LDHC: variants seen among roughly 807,000 people sequenced by gnomAD.
LDHC encodes the protein L-lactate dehydrogenase C chain.
In LDHC, 20 loss-of-function variants were observed where a neutral mutation model predicts 30.2. That is an observed-to-expected ratio of 0.66 (90% CI 0.47 to 0.96). The LOEUF is 0.96. Ranked by LOEUF, LDHC falls within the 40% of genes least tolerant of loss-of-function variation. LDHC has a pLI of 0.00. For synonymous variants in LDHC, 139 were observed against 132.7 expected, an observed-to-expected ratio of 1.05 and a Z score of -0.32; for missense variants, 362 against 394.9, an observed-to-expected ratio of 0.92 and a Z score of 0.71.
chr11:18,439,660 A>G (rs972762235), intron 6 of LDHC, among the ~76,000 whole-genome samples: 1 of 151,072 alleles, frequency 6.6e-6, no homozygotes, highest in African/African-American at 2.4e-5. Context: ...TACTGTATGT[A>G]TACTTAAAAC....
intron 2 of LDHC, among the ~76,000 whole-genome samples, chr11:18,414,769 A>G (rs1196398980): frequency 7.9e-5 from 12 of 152,204 alleles, no homozygotes; most frequent in Admixed American, 7.9e-4. Flanking sequence ...CGGAGGTTGC[A>G]GTGCCCGAGA....
chr11:18,414,381 T>C (rs2134043671), intron 2 of LDHC, among the ~76,000 whole-genome samples: 1 of 152,238 alleles, frequency 6.6e-6, no homozygotes. Flanking sequence ...TGGGTTCCCA[T>C]GGAAAAGAGA....
At chr11:18,432,195 A>T (rs60376560) in intron 4 of LDHC, among the ~76,000 whole-genome samples, 20,633 of 152,090 alleles carry the variant, frequency 0.14, 1,487 homozygotes, top group Middle Eastern at 0.2. Context: ...AGAATTTTTA[A>T]TTTCTATCTT....
At position 18,451,175 on chromosome 11, in the gene LDHC, G is replaced by A. The variant is rs763456464; in HGVS notation, c.*48G>A. 1 of 1,193,730 alleles carries A rather than the reference G, an allele frequency of 8.4e-7. No individual in the cohort carries two copies. The highest frequency in any genetic ancestry group is 1.1e-6 in the Non-Finnish European group (1 of 884,830). The allele number at this position is 1,193,730 out of a possible 1,614,324, so 73.9% of individuals were successfully genotyped here. On this transcript the variant is annotated 3_prime_UTR_variant, in exon 8 of 8. Coordinates refer to ENST00000541669, the MANE Select transcript of LDHC (RefSeq NM_017448.5). The stretch of plus-strand genomic sequence containing the variant: ...CTGTTTGGAGAACAGAAGATAGCAG[G>A]CTGTGTATTTTAAATTTTGAAAGTA...
chr11:18,439,563 C>CAAAAA (rs34511927), intron 6 of LDHC, among the ~76,000 whole-genome samples: 5 of 59,330 alleles, frequency 8.4e-5, no homozygotes, highest in Admixed American at 2.3e-4. Flanking sequence ...AACTCCATCT[C>CAAAAA]AAAAAAAAAA....
At chr11:18,435,790 A>T (rs1848345886) in intron 5 of LDHC, among the ~76,000 whole-genome samples, 1 of 152,202 alleles carries the variant, frequency 6.6e-6, no homozygotes, top group African/African-American at 2.4e-5. Flanking sequence ...CCAGGCAACC[A>T]CTAATCTACT....
At chr11:18,438,782 A>T in intron 6 of LDHC, 137 bp downstream of exon 6, 1 of 498,708 alleles carries the variant, frequency 2.0e-6, no homozygotes, top group Non-Finnish European at 3.6e-6. Context: ...CTAAATTCAG[A>T]CTTATACATA....
chr11:18,420,671 G>C (rs1446135924), intron 3 of LDHC, among the ~76,000 whole-genome samples: 1 of 139,800 alleles, frequency 7.2e-6, no homozygotes, highest in African/African-American at 2.7e-5. Context: ...AAAAAGGAGA[G>C]TGAATGAAGG....
intron 6 of LDHC, among the ~76,000 whole-genome samples, chr11:18,443,463 T>TC (rs200012154): frequency 0.13 from 18,231 of 145,052 alleles, 1,119 homozygotes; most frequent in Middle Eastern, 0.2. Context: ...TTTCTTTCTT[T>TC]TTTTTTTTTT....
chr11:18,439,344 C>T (rs538607104), intron 6 of LDHC, among the ~76,000 whole-genome samples: 18 of 152,084 alleles, frequency 1.2e-4, no homozygotes, highest in African/African-American at 4.3e-4. Context: ...GGGTGGATCA[C>T]CTGAGGTCAG....
intron 6 of LDHC, among the ~76,000 whole-genome samples, chr11:18,443,829 C>A (rs976025640): frequency 3.3e-5 from 5 of 152,142 alleles, no homozygotes; most frequent in African/African-American, 1.2e-4. Flanking sequence ...CATTGAAGTC[C>A]TGTGTGATTT....
intron 6 of LDHC, among the ~76,000 whole-genome samples, chr11:18,440,028 G>T (rs991024675): frequency 1.3e-5 from 2 of 150,306 alleles, no homozygotes; most frequent in Admixed American, 6.7e-5. Flanking sequence ...TAGGCTGGGC[G>T]CAGTGGCTTA....
At chr11:18,417,762 T>C (rs1590223346) in intron 3 of LDHC, among the ~76,000 whole-genome samples, 1 of 152,310 alleles carries the variant, frequency 6.6e-6, no homozygotes, top group African/African-American at 2.4e-5. Flanking sequence ...ATAGAAACAA[T>C]TATTTTTAAT....
intron 2 of LDHC, among the ~76,000 whole-genome samples, chr11:18,413,703 C>T (rs1323057978): frequency 6.6e-6 from 1 of 152,016 alleles, no homozygotes; most frequent in Non-Finnish European, 1.5e-5. Context: ...CCTCGTGATC[C>T]GCCTGCCTCA....
rs118155234 is a variant in LDHC, at chr11:18,431,008, A to G, written c.418+1098A>G. ...GGGAGACCTTGTCTGTACATAAAAT[A>G]AAGTAAAAAAGCTGGGTATGAAGAT... is the stretch of plus-strand genomic sequence containing the variant. On this transcript the variant is annotated intron_variant, in intron 4 of 7. Coordinates refer to ENST00000541669, the MANE Select transcript of LDHC (RefSeq NM_017448.5). Among the ~76,000 whole-genome samples the G allele has an allele frequency of 7.4e-4, 112 of 152,092 alleles. 1 individual carries two copies. In the East Asian group the frequency reaches 0.018, roughly 25 times the overall value.
chr11:18,438,643 A>G lies in LDHC; in HGVS notation c.708A>G (p.Gln236=). The G allele has an allele frequency of 6.7e-7, 1 of 1,491,976 alleles. No individual in the cohort carries two copies. Among genetic ancestry groups the G allele is most frequent in the Non-Finnish European group, 9.4e-7 (1 of 1,069,074 alleles). The allele number at this position is 1,491,976 out of a possible 1,614,324, so 92.4% of individuals were successfully genotyped here. A position where few individuals can be genotyped will look rare whatever the true frequency, so the allele number is the denominator to read the frequency against. Residue 236 remains glutamine, a splice_region_variant and synonymous_variant, in exon 6 of 8, where the codon CAA becomes CAG. Coordinates refer to ENST00000541669, the MANE Select transcript of LDHC (RefSeq NM_017448.5). ...HWKNIHKQVI[Q]SAYEIIKLKG... is the part of the protein sequence containing the mutation. ...AAAATATCCATAAACAAGTTATTCA[A>G]AGGTAATAGTACCTATTCAGTTTCT...
intron 3 of LDHC, among the ~76,000 whole-genome samples, chr11:18,417,363 A>T (rs1168751212): frequency 3.9e-5 from 6 of 152,202 alleles, no homozygotes; most frequent in Admixed American, 2.6e-4. Flanking sequence ...AAAAGTGTTC[A>T]TGAAGCAGTC....
chr11:18,429,116 C>CTTTTTTTTTTTTTTTTTTTTTTTTTT (rs36038254), intron 3 of LDHC, among the ~76,000 whole-genome samples: 1 of 93,924 alleles, frequency 1.1e-5, no homozygotes, highest in Non-Finnish European at 1.9e-5. Context: ...TCATTTTGGT[C>CTTTTTTTTTTTTTTTTTTTTTTTTTT]TTTTTTTTTT....
chr11:18,431,659 T>C (rs1203901470), intron 4 of LDHC, among the ~76,000 whole-genome samples: 1 of 152,014 alleles, frequency 6.6e-6, no homozygotes, highest in Non-Finnish European at 1.5e-5. Flanking sequence ...GATTCTCCTG[T>C]TCAGCCTCCC....
Sources: allele counts gnomAD v4.1 joint callset (sites outside exome capture counted in the v4.1 genomes callset), GRCh38; gene constraint gnomAD v4.1.1; transcripts MANE v1.5; gene names NCBI Gene and HGNC (gene_info 2026-07-23, HGNC 2026-07-21).